The following OXR1 variants were observed in gnomAD, a reference collection of about 807,000 sequenced individuals.
OXR1 encodes the protein oxidation resistance 1.
In OXR1, 41 loss-of-function variants were observed where a neutral mutation model predicts 104.6. The observed-to-expected ratio is 0.39, with a 90% CI of 0.31 to 0.51. The LOEUF is 0.51. Among genes scored for constraint, OXR1 ranks in the 20% least tolerant of loss-of-function variants. OXR1 has a pLI of 0.77. For synonymous variants in OXR1, 348 were observed against 348.4 expected (o/e 1.00, Z 0.01); for missense variants, 955 against 1,031.9 (o/e 0.93, Z 1.02).
At chr8:106,360,536 T>A (rs1401500714) in intron 2 of OXR1, among the ~76,000 whole-genome samples, 2 of 152,080 alleles carry the variant, frequency 1.3e-5, no homozygotes, top group Non-Finnish European at 2.9e-5. Flanking sequence ...ATGTAATTAT[T>A]TGTTTAGATT....
intron 1 of OXR1, among the ~76,000 whole-genome samples, chr8:106,325,361 C>T (rs578054875): frequency 2.0e-5 from 3 of 152,250 alleles, no homozygotes; most frequent in African/African-American, 4.8e-5. Flanking sequence ...ACTTTTCCTT[C>T]GGAAGACTTG....
At chr8:106,493,503 G>T (rs1055934631) in intron 2 of OXR1, among the ~76,000 whole-genome samples, 2 of 104,602 alleles carry the variant, frequency 1.9e-5, no homozygotes, top group African/African-American at 7.5e-5. Context: ...CTGAGGATGG[G>T]CCCCAGGAAT....
intron 1 of OXR1, among the ~76,000 whole-genome samples, chr8:106,316,957 G>T (rs1010421452): frequency 6.6e-6 from 1 of 151,920 alleles, no homozygotes; most frequent in African/African-American, 2.4e-5. Context: ...TGAAACCCTC[G>T]CCTCCCGGGT....
At chr8:106,556,580 T>C (rs1816302795) in intron 3 of OXR1, among the ~76,000 whole-genome samples, 1 of 152,172 alleles carries the variant, frequency 6.6e-6, no homozygotes, top group South Asian at 2.1e-4. Context: ...AACAGGATTA[T>C]AGAAAGATCT....
At position 106,597,160 on chromosome 8, in the gene OXR1, C is replaced by CA. The variant is rs1819595457; in HGVS notation, c.220+78025dup. ...TATGGTCTGAATGTTTATGTCTCCCCAAAATTCATATGCTGAAACCCTAAA... is the reference window on the plus strand; with the variant it reads ...TATGGTCTGAATGTTTATGTCTCCCCAAAAATTCATATGCTGAAACCCTAAA... On this transcript the variant is annotated intron_variant, in intron 3 of 16. Transcript: ENST00000517566. 2.0e-5 allele frequency among the ~76,000 whole-genome samples: 3 copies of CA among 152,260 alleles called. No homozygotes were observed. In the East Asian group the frequency reaches 5.8e-4, roughly 29 times the overall value.
intron 2 of OXR1, among the ~76,000 whole-genome samples, chr8:106,512,252 C>A (rs1023554970): frequency 6.6e-6 from 1 of 152,124 alleles, no homozygotes; most frequent in African/African-American, 2.4e-5. Context: ...AATCCAGTCC[C>A]CATGTCCATA....
chr8:106,625,272 G>A (rs10109609), intron 3 of OXR1, among the ~76,000 whole-genome samples: 18,741 of 152,124 alleles, frequency 0.12, 1,414 homozygotes, highest in East Asian at 0.34. Context: ...GAGCAGTCGT[G>A]TGTACCTGTA....
intron 3 of OXR1, among the ~76,000 whole-genome samples, chr8:106,611,059 A>T (rs1820777112): frequency 6.6e-6 from 1 of 152,208 alleles, no homozygotes; most frequent in African/African-American, 2.4e-5. Context: ...ATCACAAACA[A>T]TGAGATGGGT....
At chr8:106,574,323 C>A (rs912590356) in intron 3 of OXR1, among the ~76,000 whole-genome samples, 1 of 152,178 alleles carries the variant, frequency 6.6e-6, no homozygotes, top group African/African-American at 2.4e-5. Context: ...TAATATTCAA[C>A]TCCCATCTCT....
chr8:106,706,654 T>A lies in OXR1; in HGVS notation c.1133T>A (p.Val378Glu). 6.2e-7 allele frequency: 1 copy of A among 1,613,598 alleles called. No individual in the cohort carries two copies. The highest frequency in any genetic ancestry group is 8.5e-7 in the Non-Finnish European group (1 of 1,179,814). ...ESVQTVNQAE[V>E]ESLTVKSEST... Reference sequence around the variant, plus strand: ...GTGCAAACTGTCAATCAGGCTGAAGTAGAAAGTCTGACAGTCAAATCAGAA... The same window carrying A: ...GTGCAAACTGTCAATCAGGCTGAAGAAGAAAGTCTGACAGTCAAATCAGAA... Residue 378 changes from valine (V) to glutamate (E), a missense_variant, in exon 9 of 17, where the codon GTA becomes GAA. Physicochemically the swap from Val to Glu is moderately radical, Grantham distance 121. Transcript: ENST00000517566.
Position 106,345,831 on chromosome 8 carries a change from G to C in OXR1, c.-138-13645G>C, listed in dbSNP as rs568807454. Among the ~76,000 whole-genome samples, 26 of 152,224 alleles carry C rather than the reference G, an allele frequency of 1.7e-4. No homozygotes were observed. The South Asian group carries it at 5.4e-3, about 32-fold the overall frequency. ...CCCTGTGTCACTCAAGCATAATATG[G>C]TATGTTTGAGAAGCTAGAGACCTAT... On this transcript the variant is annotated intron_variant, in intron 1 of 16. Transcript: ENST00000517566.
chr8:106,335,120 C>G (rs771670131), intron 1 of OXR1, among the ~76,000 whole-genome samples: 4 of 152,106 alleles, frequency 2.6e-5, no homozygotes, highest in Non-Finnish European at 5.9e-5. Context: ...CTCTCTCTCT[C>G]TGTCCTTTCC....
At chr8:106,578,340 G>A (rs1276662580) in intron 3 of OXR1, among the ~76,000 whole-genome samples, 2 of 151,972 alleles carry the variant, frequency 1.3e-5, no homozygotes, top group Admixed American at 6.6e-5. Flanking sequence ...TTTATATTCT[G>A]TCCTGTCTCC....
At chr8:106,508,912 A>G (rs1165339278) in intron 2 of OXR1, among the ~76,000 whole-genome samples, 1 of 152,190 alleles carries the variant, frequency 6.6e-6, no homozygotes, top group Non-Finnish European at 1.5e-5. Context: ...TTAAGTTTGG[A>G]GTTGCCTTAT....
intron 2 of OXR1, among the ~76,000 whole-genome samples, chr8:106,464,085 C>A (rs1165060585): frequency 6.6e-6 from 1 of 151,898 alleles, no homozygotes; most frequent in African/African-American, 2.4e-5. Context: ...TTATTTTAGC[C>A]TACGAATTTC....
chr8:106,688,993 T>C (rs531605345), intron 6 of OXR1, among the ~76,000 whole-genome samples: 3 of 152,244 alleles, frequency 2.0e-5, no homozygotes, highest in African/African-American at 7.2e-5. Flanking sequence ...AATTTTTGCT[T>C]GGCCAAAGCA....
chr8:106,629,989 T>A (rs943745997), intron 3 of OXR1, among the ~76,000 whole-genome samples: 1 of 152,192 alleles, frequency 6.6e-6, no homozygotes, highest in Non-Finnish European at 1.5e-5. Context: ...AGAGAGAAAC[T>A]CCTGCCTCTG....
At chr8:106,667,178 A>C (rs768878920) in intron 3 of OXR1, among the ~76,000 whole-genome samples, 1 of 152,184 alleles carries the variant, frequency 6.6e-6, no homozygotes, top group African/African-American at 2.4e-5. Context: ...TTTGATGCCA[A>C]GATCTGATTA....
At chr8:106,709,224 G>A (rs1831457052) in intron 9 of OXR1, among the ~76,000 whole-genome samples, 1 of 151,946 alleles carries the variant, frequency 6.6e-6, no homozygotes, top group Non-Finnish European at 1.5e-5. Context: ...GTGTTAATTT[G>A]TTATTTACAT....
Sources: allele counts gnomAD v4.1 joint callset (sites outside exome capture counted in the v4.1 genomes callset), GRCh38; gene constraint gnomAD v4.1.1; transcripts MANE v1.5; gene names NCBI Gene and HGNC (gene_info 2026-07-23, HGNC 2026-07-21).